Variants in MAP3K9 observed in about 807,000 individuals in gnomAD.
MAP3K9 encodes the protein mixed lineage kinase 1 (tyr and ser/thr specificity).
A neutral mutation model predicts 95.8 loss-of-function variants in MAP3K9; 46 were observed. The ratio of observed to expected loss-of-function variants is 0.48; its 90% CI spans 0.38 to 0.61. The LOEUF is 0.61. MAP3K9 is among the 20% of genes least tolerant of loss of function. The pLI is 0.00. For synonymous variants in MAP3K9, 533 were observed against 593.8 expected (o/e 0.90, Z 1.49); for missense variants, 1,296 against 1,474.3 (o/e 0.88, Z 1.98).
At chr14:70,764,195 A>AAAAAAAAAAAAT (rs2054416148) in intron 2 of MAP3K9, among the ~76,000 whole-genome samples, 1 of 130,562 alleles carries the variant, frequency 7.7e-6, no homozygotes, top group Non-Finnish European at 1.6e-5. Flanking sequence ...TCCGTCTCAA[A>AAAAAAAAAAAAT]AAAAAAAAAA....
Position 70,732,728 on chromosome 14 carries a change from C to T in MAP3K9, c.2641G>A (p.Val881Ile). The T allele has an allele frequency of 6.2e-7, 1 of 1,603,942 alleles. No individual in the cohort carries two copies. The highest frequency in any genetic ancestry group is 8.5e-7 in the Non-Finnish European group (1 of 1,172,828). The change falls in exon 11 of 12, where the codon GTC becomes ATC. Residue 881 changes from valine (V) to isoleucine (I), a missense_variant. Val to Ile is a conservative substitution (Grantham distance 29). Coordinates refer to ENST00000554752, the MANE Select transcript of MAP3K9 (RefSeq NM_001284230.2). ...PLSPCTHNPL[V>I]NVRVERFKRD... is the part of the protein sequence containing the mutation. ...TTGAAGCGCTCTACTCGGACATTGACCAGGGGGTTGTGGGTACATGGACTC... is the reference window on the plus strand; with the variant it reads ...TTGAAGCGCTCTACTCGGACATTGATCAGGGGGTTGTGGGTACATGGACTC...
At chr14:70,786,175 T>C (rs1347788248) in intron 2 of MAP3K9, among the ~76,000 whole-genome samples, 1 of 152,168 alleles carries the variant, frequency 6.6e-6, no homozygotes, top group Non-Finnish European at 1.5e-5. Flanking sequence ...CATCTCCCCT[T>C]GTCACTAGCT....
chr14:70,794,904 C>T (rs1033465773), intron 2 of MAP3K9, among the ~76,000 whole-genome samples: 1 of 151,410 alleles, frequency 6.6e-6, no homozygotes, highest in African/African-American at 2.4e-5. Context: ...GTCTCGATCT[C>T]CTGACCTCGT....
At chr14:70,751,497 T>C (rs2139758372) in intron 3 of MAP3K9, among the ~76,000 whole-genome samples, 1 of 152,284 alleles carries the variant, frequency 6.6e-6, no homozygotes, top group Middle Eastern at 3.4e-3. Context: ...AGCAGGCAGA[T>C]CACTTGAGGT....
intron 6 of MAP3K9, among the ~76,000 whole-genome samples, chr14:70,740,937 A>G (rs1428882005): frequency 6.6e-6 from 1 of 152,224 alleles, no homozygotes; most frequent in Admixed American, 6.5e-5. Flanking sequence ...AAAAGGAAAA[A>G]CAAATGTGCA....
chr14:70,747,581 A>G (rs1305930123), intron 5 of MAP3K9, among the ~76,000 whole-genome samples: 2 of 152,156 alleles, frequency 1.3e-5, no homozygotes, highest in Non-Finnish European at 2.9e-5. Flanking sequence ...CACATTCAAG[A>G]TTCTGCTTCC....
In MAP3K9 at chr14:70,748,958, G is replaced by T; in HGVS notation, c.1197C>A (p.Ile399=). The T allele has an allele frequency of 1.2e-6, 2 of 1,614,028 alleles. No individual in the cohort carries two copies. Among genetic ancestry groups the T allele is most frequent in the Non-Finnish European group, 1.7e-6 (2 of 1,179,952 alleles). ...DPHSRPSFTN[I]LDQLTTIEES... Reference sequence around the variant, plus strand: ...CCTCTATGGTGGTTAGCTGGTCCAGGATATTCGTGAAAGATGGTCGTGAGT... The same window carrying T: ...CCTCTATGGTGGTTAGCTGGTCCAGTATATTCGTGAAAGATGGTCGTGAGT... The change falls in exon 5 of 12, where the codon ATC becomes ATA. Residue 399 remains isoleucine, a synonymous_variant. Coordinates refer to ENST00000554752, the MANE Select transcript of MAP3K9 (RefSeq NM_001284230.2).
At chr14:70,790,560 A>G (rs995723779) in intron 2 of MAP3K9, among the ~76,000 whole-genome samples, 5 of 152,170 alleles carry the variant, frequency 3.3e-5, no homozygotes, top group African/African-American at 1.2e-4. Context: ...GCCCAATTTA[A>G]GTTATCTGTA....
At position 70,809,474 on chromosome 14, in the gene MAP3K9, G is replaced by GTGCCCGCCGC. The variant is rs1246525258; in HGVS notation, c.-313_-304dup. On this transcript the variant is annotated 5_prime_UTR_variant, in exon 1 of 12. Coordinates refer to ENST00000554752, the MANE Select transcript of MAP3K9 (RefSeq NM_001284230.2). The stretch of plus-strand genomic sequence containing the variant: ...CCGCCGGTACCTGCTCGCGCAGCCG[G>GTGCCCGCCGC]TGCCCGCCGCTGCCAGCCGGCCGCC... 57 of 210,394 alleles carry GTGCCCGCCGC rather than the reference G, an allele frequency of 2.7e-4. No homozygotes were observed. The highest frequency in any genetic ancestry group is 1.6e-3 in the Middle Eastern group (1 of 638). The allele number at this position is 210,394 out of a possible 1,614,324, so 13.0% of individuals were successfully genotyped here.
chr14:70,795,829 G>A (rs1467566762), intron 2 of MAP3K9, among the ~76,000 whole-genome samples: 1 of 150,554 alleles, frequency 6.6e-6, no homozygotes, highest in Admixed American at 6.6e-5. Flanking sequence ...CACAATCTTA[G>A]CTCACCGCAA....
chr14:70,770,774 T>C (rs181632670), intron 2 of MAP3K9, among the ~76,000 whole-genome samples: 2 of 152,276 alleles, frequency 1.3e-5, no homozygotes, highest in Admixed American at 6.5e-5. Flanking sequence ...CTACGTCTGG[T>C]ACACAGTCCT....
chr14:70,743,170 T>C (rs112895831), intron 5 of MAP3K9, among the ~76,000 whole-genome samples: 220 of 151,980 alleles, frequency 1.4e-3, no homozygotes, highest in African/African-American at 5.2e-3. Flanking sequence ...TGTATTTTAG[T>C]AGAGATTAGG....
chr14:70,797,088 T>C (rs1227434033), intron 2 of MAP3K9, among the ~76,000 whole-genome samples: 1 of 152,196 alleles, frequency 6.6e-6, no homozygotes. Flanking sequence ...TAAGACACTT[T>C]TTACTGAACC....
chr14:70,741,045 T>C (rs1168981107), intron 6 of MAP3K9, among the ~76,000 whole-genome samples: 1 of 152,086 alleles, frequency 6.6e-6, no homozygotes, highest in Non-Finnish European at 1.5e-5. Flanking sequence ...TTTTAGTGCT[T>C]AACATCATCT....
rs1822963649 is a variant in MAP3K9 at position 70,783,298 on chromosome 14, C to A, written c.820+17369G>T. ...GGAAGACGGCATCCTAAAGTAAATT[C>A]AAATTAGTCTGACTCTTATTTTTCT... is the stretch of plus-strand genomic sequence containing the variant. On this transcript the variant is annotated intron_variant, in intron 2 of 11. Transcript: ENST00000554752. 5 of 971,130 alleles carry A rather than the reference C, an allele frequency of 5.1e-6. No homozygotes were observed. The South Asian group carries it at 2.4e-4, about 46-fold the overall frequency. 60.2% of individuals were successfully genotyped at this position (971,130 alleles called of 1,614,324 possible).
Position 70,727,855 on chromosome 14 carries a change from C to G in MAP3K9, c.*2525G>C, listed in dbSNP as rs1014832914. 6.6e-6 allele frequency: 1 copy of G among 152,242 alleles called. No homozygotes were observed. The highest frequency in any genetic ancestry group is 1.5e-5 in the Non-Finnish European group (1 of 68,052). The allele number at this position is 152,242 out of a possible 1,614,324, so 9.4% of individuals were successfully genotyped here. On this transcript the variant is annotated 3_prime_UTR_variant, in exon 12 of 12. Transcript: ENST00000554752. Reference sequence around the variant, plus strand: ...TAAGGATGGCACTCAACCTCTCACTCAATGGCAGGTGACCATCATTCAGTT... The same window carrying G: ...TAAGGATGGCACTCAACCTCTCACTGAATGGCAGGTGACCATCATTCAGTT...
intron 1 of MAP3K9, among the ~76,000 whole-genome samples, chr14:70,803,671 T>C (rs921451017): frequency 1.3e-5 from 2 of 152,212 alleles, no homozygotes; most frequent in Non-Finnish European, 2.9e-5. Flanking sequence ...AGGTGGATGT[T>C]AGTGGATAGT....
chr14:70,726,789 T>G lies in MAP3K9; in HGVS notation c.*3591A>C, dbSNP rs1029775223. On this transcript the variant is annotated 3_prime_UTR_variant, in exon 12 of 12. Coordinates refer to ENST00000554752, the MANE Select transcript of MAP3K9 (RefSeq NM_001284230.2). ...CCACACTCTCAACTTCAGCGATTCA[T>G]CCTGTATAGATGAAAGAAGCTTCCT... is the stretch of plus-strand genomic sequence containing the variant. 1 of 152,248 alleles carries G rather than the reference T, an allele frequency of 6.6e-6. No homozygotes were observed. Among genetic ancestry groups the G allele is most frequent in the African/African-American group, 2.4e-5 (1 of 41,448 alleles). 9.4% of individuals were successfully genotyped at this position (152,248 alleles called of 1,614,324 possible).
chr14:70,761,592 G>A (rs1387946810), intron 2 of MAP3K9, among the ~76,000 whole-genome samples: 3 of 152,100 alleles, frequency 2.0e-5, no homozygotes, highest in South Asian at 2.1e-4. Flanking sequence ...GTGAAATCCC[G>A]TCTCTACTAA....
Sources: allele counts gnomAD v4.1 joint callset (sites outside exome capture counted in the v4.1 genomes callset), GRCh38; gene constraint gnomAD v4.1.1; transcripts MANE v1.5; gene names NCBI Gene and HGNC (gene_info 2026-07-23, HGNC 2026-07-21).